The following KDM4C variants were observed in gnomAD, a reference collection of about 807,000 sequenced individuals.
KDM4C encodes lysine demethylase 4C.
KDM4C carries 81 observed loss-of-function variants against 129.3 expected under a neutral mutation model. The ratio of observed to expected loss-of-function variants is 0.63; its 90% CI spans 0.52 to 0.75. KDM4C has a LOEUF of 0.75. Ranked by LOEUF, KDM4C falls within the 30% of genes least tolerant of loss-of-function variation. KDM4C has a pLI of 0.00. For missense variants in KDM4C, 1,457 were observed against 1,304.0 expected (o/e 1.12, Z -1.81); for synonymous variants, 573 against 456.1 (o/e 1.26, Z -3.26).
chr9:6,762,250 C>G (rs576748016), intron 1 of KDM4C, among the ~76,000 whole-genome samples: 1 of 151,862 alleles, frequency 6.6e-6, no homozygotes, highest in East Asian at 1.9e-4. Context: ...CCTCCCCCAG[C>G]CCCCCACCCC....
rs368574859 is a variant in KDM4C, at chr9:7,103,771, T to C, written c.2511T>C (p.His837=). 1 of 1,613,912 alleles carries C rather than the reference T, an allele frequency of 6.2e-7. No individual in the cohort carries two copies. The highest frequency in any genetic ancestry group is 1.3e-5 in the African/African-American group (1 of 74,888). ...CSYGRCPASF[H]VTCAHAAGVL... is the part of the protein sequence containing the mutation. Reference sequence around the variant, plus strand: ...ACGGTCGCTGCCCGGCCTCCTTCCATGTCACTTGTGCCCATGCTGCTGGGG... The same window carrying C: ...ACGGTCGCTGCCCGGCCTCCTTCCACGTCACTTGTGCCCATGCTGCTGGGG... Residue 837 remains histidine, a synonymous_variant, in exon 18 of 22, where the codon CAT becomes CAC. Coordinates refer to ENST00000381309, the MANE Select transcript of KDM4C (RefSeq NM_015061.6).
chr9:6,964,110 T>C (rs1283484509), intron 8 of KDM4C, among the ~76,000 whole-genome samples: 5 of 152,224 alleles, frequency 3.3e-5, no homozygotes, highest in Non-Finnish European at 5.9e-5. Context: ...TCAGTTATAC[T>C]TTAAGTTCTA....
intron 11 of KDM4C, among the ~76,000 whole-genome samples, chr9:6,988,858 C>T (rs911146115): frequency 6.6e-6 from 1 of 152,092 alleles, no homozygotes; most frequent in African/African-American, 2.4e-5. Context: ...AAGGCCTTCT[C>T]TGATTACCCT....
intron 12 of KDM4C, among the ~76,000 whole-genome samples, chr9:7,007,961 C>T (rs191664997): frequency 6.6e-6 from 1 of 152,116 alleles, no homozygotes; most frequent in Non-Finnish European, 1.5e-5. Flanking sequence ...GCAGAAACAT[C>T]GATTTAACAA....
At chr9:7,161,637 G>A (rs7037878) in intron 19 of KDM4C, among the ~76,000 whole-genome samples, 4 of 151,948 alleles carry the variant, frequency 2.6e-5, no homozygotes, top group African/African-American at 9.7e-5. Context: ...CAGGCCTCAC[G>A]TGTGGGTGCA....
chr9:6,829,770 A>G (rs554405275), intron 4 of KDM4C, among the ~76,000 whole-genome samples: 5 of 152,300 alleles, frequency 3.3e-5, no homozygotes, highest in South Asian at 2.1e-4. Context: ...TTCCCCTGCA[A>G]CCCAGCCTTG....
intron 18 of KDM4C, among the ~76,000 whole-genome samples, chr9:7,110,838 G>A (rs1482641934): frequency 1.3e-5 from 2 of 152,192 alleles, no homozygotes; most frequent in Non-Finnish European, 2.9e-5. Flanking sequence ...AAGACTTGCA[G>A]TATTGGAGAG....
At chr9:6,780,975 A>C (rs755048086) in intron 1 of KDM4C, among the ~76,000 whole-genome samples, 1 of 151,756 alleles carries the variant, frequency 6.6e-6, no homozygotes, top group African/African-American at 2.4e-5. Context: ...TCTTGATTCT[A>C]CTTTTCTCTG....
chr9:6,762,413 C>T (rs1028741267), intron 1 of KDM4C, among the ~76,000 whole-genome samples: 11 of 151,764 alleles, frequency 7.2e-5, no homozygotes, highest in Non-Finnish European at 1.3e-4. Context: ...CTCAAGTGAT[C>T]CTTCTGACTT....
chr9:6,869,814 T>C (rs776561388), intron 5 of KDM4C, among the ~76,000 whole-genome samples: 1 of 152,268 alleles, frequency 6.6e-6, no homozygotes, highest in Non-Finnish European at 1.5e-5. Flanking sequence ...GCATCCCCTA[T>C]AGCCATGCTT....
At chr9:6,918,597 C>G (rs1563810949) in intron 8 of KDM4C, among the ~76,000 whole-genome samples, 1 of 152,166 alleles carries the variant, frequency 6.6e-6, no homozygotes, top group Non-Finnish European at 1.5e-5. Flanking sequence ...AATCTCCAAA[C>G]AGCTTTCCAT....
chr9:6,844,052 G>A (rs1157929849), intron 4 of KDM4C, among the ~76,000 whole-genome samples: 2 of 151,992 alleles, frequency 1.3e-5, no homozygotes, highest in Non-Finnish European at 1.5e-5. Context: ...GCCCAGGATC[G>A]TCTCAAACTC....
chr9:6,727,217 G>C (rs976205869), intron 1 of KDM4C: 8 of 152,146 alleles, frequency 5.3e-5, no homozygotes, highest in African/African-American at 1.9e-4. Flanking sequence ...TTGGAAGGCC[G>C]AGGTGGGTGG....
chr9:7,093,769 T>G lies in KDM4C; in HGVS notation c.2425-9916T>G, dbSNP rs79737968. Among the ~76,000 whole-genome samples, 223 of 152,348 alleles carry G rather than the reference T, an allele frequency of 1.5e-3. 2 individuals are homozygous for G. Among genetic ancestry groups the G allele is most frequent in the African/African-American group, 5.0e-3 (209 of 41,578 alleles). ...AGCAATCTATTAATGCATTAAGTAC[T>G]TAGTTGTATAATGTCTAAGTAATTA... is the stretch of plus-strand genomic sequence containing the variant. On this transcript the variant is annotated intron_variant, in intron 17 of 21. Transcript: ENST00000381309.
chr9:6,918,658 C>G (rs1011292696), intron 8 of KDM4C, among the ~76,000 whole-genome samples: 1 of 152,196 alleles, frequency 6.6e-6, no homozygotes, highest in Non-Finnish European at 1.5e-5. Context: ...GTTCCCCCTT[C>G]TCTACAGCCT....
At chr9:6,818,042 G>T (rs972648810) in intron 4 of KDM4C, among the ~76,000 whole-genome samples, 1 of 152,118 alleles carries the variant, frequency 6.6e-6, no homozygotes, top group African/African-American at 2.4e-5. Context: ...TGGGATTACA[G>T]GTGTGAGCCA....
intron 5 of KDM4C, among the ~76,000 whole-genome samples, chr9:6,857,515 C>T (rs1397491195): frequency 6.6e-6 from 1 of 152,082 alleles, no homozygotes; most frequent in Non-Finnish European, 1.5e-5. Context: ...TCTCTGTGGA[C>T]CACTGCTCAG....
chr9:7,030,771 G>T (rs572306081), intron 15 of KDM4C, among the ~76,000 whole-genome samples: 1 of 152,182 alleles, frequency 6.6e-6, no homozygotes, highest in African/African-American at 2.4e-5. Flanking sequence ...ATGCTTGATA[G>T]TAATATAGTA....
intron 8 of KDM4C, among the ~76,000 whole-genome samples, chr9:6,904,538 T>C (rs1157749971): frequency 1.3e-5 from 2 of 152,032 alleles, no homozygotes; most frequent in Admixed American, 1.3e-4. Flanking sequence ...ATTCCCTGGG[T>C]GCAGAGCAGA....
Sources: gnomAD v4.1 joint callset for allele counts (sites outside exome capture counted in the v4.1 genomes callset) on GRCh38, gnomAD v4.1.1 for gene constraint, MANE v1.5 for transcripts, NCBI Gene and HGNC (gene_info 2026-07-23, HGNC 2026-07-21) for gene names.